The following SUGCT variants were observed in gnomAD, a reference collection of about 807,000 sequenced individuals.
SUGCT encodes succinyl-CoA:glutarate-CoA transferase.
A neutral mutation model predicts 55.0 loss-of-function variants in SUGCT; 41 were observed. The ratio of observed to expected loss-of-function variants is 0.74; its 90% CI spans 0.58 to 0.97. The LOEUF is 0.97. Ranked by LOEUF, SUGCT falls within the 50% of genes least tolerant of loss-of-function variation. SUGCT has a pLI of 0.00. For missense variants in SUGCT, 568 were observed against 547.8 expected (o/e 1.04, Z -0.37); for synonymous variants, 187 against 200.4 (o/e 0.93, Z 0.56).
chr7:40,663,406 C>T (rs572348157), intron 12 of SUGCT, among the ~76,000 whole-genome samples: 5 of 151,634 alleles, frequency 3.3e-5, no homozygotes, highest in Non-Finnish European at 5.9e-5. Context: ...TTCTTTCTCT[C>T]GTTGGTCTCC....
chr7:40,705,693 T>C (rs1424011404), intron 12 of SUGCT, among the ~76,000 whole-genome samples: 1 of 152,200 alleles, frequency 6.6e-6, no homozygotes, highest in East Asian at 1.9e-4. Context: ...TCAGAAGCTA[T>C]AGAGCTTGAA....
chr7:40,877,598 G>GA, the SUGCT span, among the ~76,000 whole-genome samples: 2 of 152,150 alleles, frequency 1.3e-5, no homozygotes, highest in African/African-American at 2.4e-5. Flanking sequence ...AAAATGATGG[G>GA]AACTTCTCTA....
intron 12 of SUGCT, among the ~76,000 whole-genome samples, chr7:40,642,349 A>AC (rs1800305916): frequency 1.3e-5 from 2 of 152,184 alleles, no homozygotes; most frequent in African/African-American, 2.4e-5. Context: ...GTTCTTCTGT[A>AC]TTCTGTAAAG....
chr7:40,890,965 C>T, the SUGCT span, among the ~76,000 whole-genome samples: 1 of 151,990 alleles, frequency 6.6e-6, no homozygotes, highest in African/African-American at 2.4e-5. Flanking sequence ...CAAAGAGAGA[C>T]AACCCATAAA....
rs1478451170 is a variant in SUGCT, at chr7:40,860,303, T to A, written c.1154-13T>A. 6.2e-7 allele frequency: 1 copy of A among 1,613,876 alleles called. No individual in the cohort carries two copies. Among genetic ancestry groups the A allele is most frequent in the Admixed American group, 1.7e-5 (1 of 60,018 alleles). ...TCATTAACAGGCTTCCTGCTTTCCT[T>A]CTCCTTTGGCAGGCCCAGCTGTGAG... is the stretch of plus-strand genomic sequence containing the variant. On this transcript the variant is annotated splice_polypyrimidine_tract_variant and intron_variant, in intron 13 of 13. Coordinates refer to ENST00000335693, the MANE Select transcript of SUGCT (RefSeq NM_001193313.2).
At chr7:40,897,143 T>C in the SUGCT span, among the ~76,000 whole-genome samples, 5 of 152,154 alleles carry the variant, frequency 3.3e-5, no homozygotes, top group Non-Finnish European at 7.3e-5. Flanking sequence ...TTGGAAAAAC[T>C]GGATATCCAC....
the SUGCT span, among the ~76,000 whole-genome samples, chr7:40,955,270 G>A: frequency 6.6e-6 from 1 of 152,148 alleles, no homozygotes; most frequent in Non-Finnish European, 1.5e-5. Flanking sequence ...CTATCCATGA[G>A]CATGGAATGT....
At chr7:40,887,232 A>T in the SUGCT span, among the ~76,000 whole-genome samples, 1 of 152,174 alleles carries the variant, frequency 6.6e-6, no homozygotes, top group Non-Finnish European at 1.5e-5. Flanking sequence ...ATAAAATGGG[A>T]AGTTACCAAG....
chr7:40,342,695 T>A (rs1584729203), intron 9 of SUGCT, among the ~76,000 whole-genome samples: 1 of 151,774 alleles, frequency 6.6e-6, no homozygotes, highest in African/African-American at 2.4e-5. Context: ...TAGGCTGGAG[T>A]GCAGTGGCGT....
At chr7:40,144,744 G>A (rs1788159024) in intron 1 of SUGCT, among the ~76,000 whole-genome samples, 1 of 152,032 alleles carries the variant, frequency 6.6e-6, no homozygotes, top group South Asian at 2.1e-4. Flanking sequence ...TATAGTCCTT[G>A]GTGTCTTCTT....
At chr7:40,859,135 C>T (rs376157952) in intron 13 of SUGCT, among the ~76,000 whole-genome samples, 2 of 152,196 alleles carry the variant, frequency 1.3e-5, no homozygotes, top group Non-Finnish European at 2.9e-5. Context: ...CTTGTGACTA[C>T]TATATCATTT....
intron 7 of SUGCT, among the ~76,000 whole-genome samples, chr7:40,238,607 A>C (rs530746710): frequency 6.6e-6 from 1 of 152,210 alleles, no homozygotes; most frequent in African/African-American, 2.4e-5. Flanking sequence ...ACTGAGACAG[A>C]GTGACCTCAA....
chr7:40,775,988 T>C (rs1036711784), intron 13 of SUGCT, among the ~76,000 whole-genome samples: 1 of 152,198 alleles, frequency 6.6e-6, no homozygotes, highest in Non-Finnish European at 1.5e-5. Flanking sequence ...TCAGATGACC[T>C]CCTGGCCACT....
intron 13 of SUGCT, among the ~76,000 whole-genome samples, chr7:40,806,687 C>CA: frequency 6.6e-6 from 1 of 152,206 alleles, no homozygotes; most frequent in African/African-American, 2.4e-5. Context: ...ACCATTCAAC[C>CA]AAATTTCTTT....
At chr7:40,951,234 A>G in the SUGCT span, among the ~76,000 whole-genome samples, 1 of 152,252 alleles carries the variant, frequency 6.6e-6, no homozygotes, top group South Asian at 2.1e-4. Context: ...TAGATTTTCT[A>G]GTTTATTTGC....
chr7:40,512,926 A>G (rs1476464604), intron 12 of SUGCT, among the ~76,000 whole-genome samples: 1 of 152,140 alleles, frequency 6.6e-6, no homozygotes, highest in Non-Finnish European at 1.5e-5. Context: ...ACCATATACT[A>G]TGATGCCAGC....
chr7:40,573,355 G>C (rs540602988), intron 12 of SUGCT, among the ~76,000 whole-genome samples: 1 of 152,286 alleles, frequency 6.6e-6, no homozygotes, highest in Admixed American at 6.5e-5. Context: ...AGATGTCCTT[G>C]AATCATTTAG....
At chr7:40,634,436 G>T (rs1000963514) in intron 12 of SUGCT, among the ~76,000 whole-genome samples, 5 of 152,196 alleles carry the variant, frequency 3.3e-5, no homozygotes, top group African/African-American at 1.2e-4. Flanking sequence ...GGATTTTCCA[G>T]TGGTGCCTCC....
rs1583837583 is a variant in SUGCT at position 40,498,924 on chromosome 7, A to G, written c.1089+2538A>G. The stretch of plus-strand genomic sequence containing the variant: ...TATATCTGCAAAATCTATGCCAAGA[A>G]GAGAAGTTCCCTTCCTCATTTCTGA... On this transcript the variant is annotated intron_variant, in intron 12 of 13. Coordinates refer to ENST00000335693, the MANE Select transcript of SUGCT (RefSeq NM_001193313.2). The G allele has an allele frequency of 1.6e-5, 6 of 375,610 alleles. No individual in the cohort carries two copies. The East Asian group carries it at 4.4e-4, about 27-fold the overall frequency. 23.3% of individuals were successfully genotyped at this position (375,610 alleles called of 1,614,324 possible).
Sources: gnomAD v4.1 joint callset for allele counts (sites outside exome capture counted in the v4.1 genomes callset) on GRCh38, gnomAD v4.1.1 for gene constraint, MANE v1.5 for transcripts, NCBI Gene and HGNC (gene_info 2026-07-23, HGNC 2026-07-21) for gene names.